DRC8: variants seen among roughly 807,000 people sequenced by gnomAD.
DRC8 encodes dynein regulatory complex subunit 8, also known as dynein regulatory complex protein 8.
the DRC8 span, among the ~76,000 whole-genome samples, chr1:245,095,277 G>A: frequency 6.6e-6 from 1 of 152,202 alleles, no homozygotes; most frequent in Non-Finnish European, 1.5e-5. Context: ...CATGTGGAAG[G>A]CAGGAATCCT....
chr1:245,063,965 C>T, the DRC8 span, among the ~76,000 whole-genome samples: 10 of 152,122 alleles, frequency 6.6e-5, no homozygotes, highest in East Asian at 1.9e-4. Context: ...TCAGGTGATC[C>T]GCCCTCCTCG....
chr1:245,085,270 G>A, the DRC8 span, among the ~76,000 whole-genome samples: 1 of 152,198 alleles, frequency 6.6e-6, no homozygotes, highest in Admixed American at 6.5e-5. Flanking sequence ...GGTTTGGGAA[G>A]ACTTAAAGAG....
At chr1:245,034,989 T>C in the DRC8 span, among the ~76,000 whole-genome samples, 2 of 151,726 alleles carry the variant, frequency 1.3e-5, no homozygotes, top group South Asian at 4.1e-4. Flanking sequence ...TCAAATCTAA[T>C]GAGAGTCATT....
the DRC8 span, among the ~76,000 whole-genome samples, chr1:244,972,165 G>C: frequency 6.6e-6 from 1 of 152,110 alleles, no homozygotes; most frequent in Admixed American, 6.6e-5. Context: ...AGTAAATTCA[G>C]AGAAACAATT....
chr1:245,114,713 A>G, the DRC8 span, among the ~76,000 whole-genome samples: 258 of 152,240 alleles, frequency 1.7e-3, 1 homozygote, highest in African/African-American at 5.5e-3. Context: ...TTAATCAAGG[A>G]TTTAAATTAT....
At chr1:245,070,277 T>C in the DRC8 span, among the ~76,000 whole-genome samples, 1 of 152,210 alleles carries the variant, frequency 6.6e-6, no homozygotes, top group East Asian at 1.9e-4. Context: ...TTTAATTATA[T>C]GGCAATGACC....
At chr1:245,085,092 T>C in the DRC8 span, among the ~76,000 whole-genome samples, 1 of 152,372 alleles carries the variant, frequency 6.6e-6, no homozygotes, top group African/African-American at 2.4e-5. Flanking sequence ...ATATGTTTAA[T>C]ATTTAGTAAG....
At chr1:244,977,640 C>A in the DRC8 span, among the ~76,000 whole-genome samples, 1 of 151,658 alleles carries the variant, frequency 6.6e-6, no homozygotes, top group African/African-American at 2.4e-5. Flanking sequence ...CTCCTTCTTG[C>A]CTGTTAAACT....
the DRC8 span, among the ~76,000 whole-genome samples, chr1:245,077,781 T>C: frequency 6.6e-6 from 1 of 152,072 alleles, no homozygotes; most frequent in Non-Finnish European, 1.5e-5. Flanking sequence ...GAAGAAAACA[T>C]AGGGAAAATG....
chr1:245,002,669 C>G, the DRC8 span, among the ~76,000 whole-genome samples: 2 of 152,032 alleles, frequency 1.3e-5, no homozygotes, highest in East Asian at 1.9e-4. Flanking sequence ...CAGGTGCACA[C>G]CAGCACGCCC....
chr1:244,986,135 A>G, the DRC8 span, among the ~76,000 whole-genome samples: 2 of 150,732 alleles, frequency 1.3e-5, no homozygotes, highest in South Asian at 4.2e-4. Context: ...TTATATTTTT[A>G]GTAGAGACGG....
the DRC8 span, among the ~76,000 whole-genome samples, chr1:245,001,785 C>A: frequency 6.6e-6 from 1 of 152,208 alleles, no homozygotes; most frequent in Non-Finnish European, 1.5e-5. Context: ...CTGAGTTCGT[C>A]CTTTTTCCTC....
the DRC8 span, among the ~76,000 whole-genome samples, chr1:245,113,125 G>C: frequency 2.8e-4 from 42 of 152,110 alleles, no homozygotes. Context: ...ACCTTACCTT[G>C]GTCCTTAAAG....
At chr1:245,040,730 C>A in the DRC8 span, among the ~76,000 whole-genome samples, 51,006 of 151,942 alleles carry the variant, frequency 0.34, 8,832 homozygotes, top group African/African-American at 0.41. Context: ...TCGATTGAGC[C>A]CATGAGTTCA....
At chr1:245,028,536 C>T in the DRC8 span, among the ~76,000 whole-genome samples, 686 of 151,924 alleles carry the variant, frequency 4.5e-3, 8 homozygotes, top group African/African-American at 0.016. Flanking sequence ...ATTATAGTTA[C>T]GTTCTGAGAG....
chr1:245,055,316 A>T, the DRC8 span, among the ~76,000 whole-genome samples: 7 of 151,986 alleles, frequency 4.6e-5, no homozygotes, highest in South Asian at 8.3e-4. Context: ...TTTATTTTGC[A>T]CATTTATTGG....
the DRC8 span, among the ~76,000 whole-genome samples, chr1:245,018,646 C>T: frequency 6.6e-6 from 1 of 152,082 alleles, no homozygotes; most frequent in African/African-American, 2.4e-5. Context: ...GAAGGGTTCT[C>T]CTCCTGGGGG....
At chr1:245,033,304 C>T in the DRC8 span, among the ~76,000 whole-genome samples, 46 of 152,202 alleles carry the variant, frequency 3.0e-4, no homozygotes, top group Admixed American at 3.0e-3. Context: ...CTTTTCATAA[C>T]AAAGCTTTCC....
chr1:245,108,209 C>T, the DRC8 span, among the ~76,000 whole-genome samples: 3 of 152,164 alleles, frequency 2.0e-5, no homozygotes, highest in African/African-American at 7.2e-5. Flanking sequence ...CCTGAGCTTG[C>T]TGCCCCTCCC....
Sources: gnomAD v4.1 joint callset for allele counts (sites outside exome capture counted in the v4.1 genomes callset) on GRCh38, gnomAD v4.1.1 for gene constraint, MANE v1.5 for transcripts, NCBI Gene and HGNC (gene_info 2026-07-23, HGNC 2026-07-21) for gene names.